FADS2: variants seen among roughly 807,000 people sequenced by gnomAD.
FADS2 encodes fatty acid desaturase 2.
In FADS2, 18 loss-of-function variants were observed where a neutral mutation model predicts 61.2. The observed-to-expected ratio is 0.29, with a 90% CI of 0.20 to 0.44. The LOEUF (loss-of-function observed/expected upper bound fraction) is 0.44. FADS2 is among the 20% of genes least tolerant of loss of function. The pLI, the probability that FADS2 is intolerant of heterozygous loss-of-function variation, is 1.00. For synonymous variants in FADS2, 203 were observed against 223.9 expected (o/e 0.91, Z 0.83); for missense variants, 322 against 572.7 (o/e 0.56, Z 4.47).
At chr11:61,824,394 AAGAGAGAGAGAGAGAGAGAG>A (rs1193068439), upstream of FADS2, among the ~76,000 whole-genome samples, 1 of 17,386 alleles carries the variant, frequency 5.8e-5, no homozygotes, top group Non-Finnish European at 1.3e-4. Context: ...GGGAAAAAAA[AAGAGAGAGAGAGAGAGAGAG>A]AGAGAGAGAG....
Position 61,863,018 on chromosome 11 carries a change from A to G in FADS2, c.929A>G (p.Tyr310Cys). ...VSYYIRFFIT[Y>C]IPFYGILGAL... ...TACTACATCCGGTTCTTCATCACCT[A>G]CATCCCTTTCTACGGCATCCTGGGA... Residue 310 changes from tyrosine (Y) to cysteine (C), a missense_variant, in exon 8 of 12, where the codon TAC (tyrosine) becomes TGC (cysteine). Around this residue, in one of 3 missense-constraint regions of FADS2, gnomAD observed 221 missense variants for 427.9 expected, o/e 0.52. Coordinates refer to ENST00000278840, the MANE Select transcript of FADS2 (RefSeq NM_004265.4). The G allele has an allele frequency of 6.2e-7, 1 of 1,614,216 alleles. No homozygotes were observed. Among genetic ancestry groups the G allele is most frequent in the Non-Finnish European group, 8.5e-7 (1 of 1,180,028 alleles).
chr11:61,857,550 G>A lies in FADS2; in HGVS notation c.882+20G>A, dbSNP rs377230170. 1 of 1,604,204 alleles carries A rather than the reference G, an allele frequency of 6.2e-7. No individual in the cohort carries two copies. The highest frequency in any genetic ancestry group is 8.5e-7 in the Non-Finnish European group (1 of 1,171,184). ...TGGGTGGTGAGTTGGGGACACAGCT[G>A]GCTTGGCATGGGGAGGAGGGTGACT... On this transcript the variant is annotated intron_variant, in intron 7 of 11. Transcript: ENST00000278840.
intron 4 of FADS2, among the ~76,000 whole-genome samples, chr11:61,845,665 C>T (rs150336394): frequency 0.064 from 9,756 of 151,684 alleles, 398 homozygotes; most frequent in African/African-American, 0.11. Flanking sequence ...TGGTGGCGGG[C>T]GCCTATAATC....
rs766352094 is a variant in FADS2 at position 61,837,851 on chromosome 11, T to C, written c.281T>C (p.Leu94Pro). 6.2e-7 allele frequency: 1 copy of C among 1,613,876 alleles called. No individual in the cohort carries two copies. The highest frequency in any genetic ancestry group is 8.5e-7 in the Non-Finnish European group (1 of 1,179,904). ...TTGAAACCCCTGCTGATTGGTGAAC[T>C]GGCCCCGGAGGAGCCCAGCCAGGAC... ...KFLKPLLIGE[L>P]APEEPSQDHG... The change falls in exon 2 of 12, where the codon CTG becomes CCG. Residue 94 changes from leucine to proline, a missense_variant. This residue lies in a region of FADS2 where 40 missense variants were observed against 37.3 expected (regional missense o/e 1.07). Coordinates refer to ENST00000278840, the MANE Select transcript of FADS2 (RefSeq NM_004265.4).
chr11:61,840,551 C>T lies in FADS2; in HGVS notation c.516+20C>T. ...TCTCAGGTGAGGCGTGACACCCTCA[C>T]TTCCCCTAGCTGACAGAGGCCTGGT... is the stretch of plus-strand genomic sequence containing the variant. On this transcript the variant is annotated intron_variant, in intron 3 of 11. Coordinates refer to ENST00000278840, the MANE Select transcript of FADS2 (RefSeq NM_004265.4). 1 of 1,614,064 alleles carries T rather than the reference C, an allele frequency of 6.2e-7. No individual in the cohort carries two copies.
At chr11:61,824,993 C>T (rs2067071584), upstream of FADS2, among the ~76,000 whole-genome samples, 1 of 150,980 alleles carries the variant, frequency 6.6e-6, no homozygotes, top group Non-Finnish European at 1.5e-5. Flanking sequence ...AAGATCGAGA[C>T]CATCATGGCC....
chr11:61,847,009 G>A (rs2067265969), intron 4 of FADS2: 1 of 151,424 alleles, frequency 6.6e-6, no homozygotes, highest in Admixed American at 6.6e-5. Flanking sequence ...GAGTGCAGTG[G>A]TGTGATCTCT....
intron 2 of FADS2, 151 bp downstream of exon 2, chr11:61,838,039 C>G: frequency 1.6e-6 from 1 of 634,106 alleles, no homozygotes; most frequent in Non-Finnish European, 2.8e-6. Flanking sequence ...CACCTGTGTT[C>G]AGGGAGGGCC....
intron 2 of FADS2, among the ~76,000 whole-genome samples, chr11:61,840,093 C>T (rs2067205730): frequency 6.6e-6 from 1 of 152,216 alleles, no homozygotes; most frequent in African/African-American, 2.4e-5. Flanking sequence ...GCTTTTGAGT[C>T]AAAGCCTTTC....
chr11:61,828,077 T>G, upstream of FADS2: 2 of 1,243,410 alleles, frequency 1.6e-6, no homozygotes, highest in Non-Finnish European at 1.0e-6. The surrounding 1 kb of genome is among the most constrained non-coding windows in gnomAD (Gnocchi z 6.4). Flanking sequence ...AGAGGAGGTG[T>G]CGAGGCCCTG....
intron 7 of FADS2, among the ~76,000 whole-genome samples, chr11:61,859,349 G>C (rs762327427): frequency 6.6e-6 from 1 of 152,148 alleles, no homozygotes; most frequent in Non-Finnish European, 1.5e-5. Flanking sequence ...GAGCCACCGC[G>C]CCCGGCCTGT....
chr11:61,857,643 G>T (rs2277284), intron 7 of FADS2, 113 bp downstream of exon 7: 28,777 of 840,382 alleles, frequency 0.034, 2,866 homozygotes, highest in African/African-American at 0.29. Context: ...TGGGGCCCCA[G>T]GCATCTCCTC....
Position 61,863,684 on chromosome 11 carries a change from ACACT to A in FADS2, c.1078-20_1078-17del, listed in dbSNP as rs2067436649. 6.2e-7 allele frequency: 1 copy of A among 1,607,782 alleles called. No individual in the cohort carries two copies. Among genetic ancestry groups the A allele is most frequent in the Non-Finnish European group, 8.5e-7 (1 of 1,174,304 alleles). On this transcript the variant is annotated intron_variant, in intron 9 of 11. Coordinates refer to ENST00000278840, the MANE Select transcript of FADS2 (RefSeq NM_004265.4). ...CCCTTGGGCCTTCCTTTGTTCCCTG[ACACT>A]CATCCCCTCCACTGACAGCTGACAG...
intron 5 of FADS2, among the ~76,000 whole-genome samples, chr11:61,850,512 G>A (rs2067297117): frequency 6.6e-6 from 1 of 152,076 alleles, no homozygotes; most frequent in Admixed American, 6.5e-5. Flanking sequence ...CCCTCCCAAA[G>A]TGCTGGGATT....
intron 5 of FADS2, among the ~76,000 whole-genome samples, chr11:61,849,468 C>T (rs2067287990): frequency 6.6e-6 from 1 of 152,030 alleles, no homozygotes. Context: ...TGCCTAGTCT[C>T]AGTTATTGGG....
In FADS2 at chr11:61,865,072, T is replaced by C. The variant is rs1403263930; in HGVS notation, c.1158-80T>C. On this transcript the variant is annotated intron_variant, in intron 10 of 11. Coordinates refer to ENST00000278840, the MANE Select transcript of FADS2 (RefSeq NM_004265.4). The surrounding 1 kb of genome is among the most constrained non-coding windows in gnomAD (Gnocchi z 4.1). The stretch of plus-strand genomic sequence containing the variant: ...GGGTCTCTGAGGGCCCCAGCCAGCC[T>C]CTGCCCAGGTGGTGGGAGGAAGCGG... 3.9e-6 allele frequency: 6 copies of C among 1,531,346 alleles called. No homozygotes were observed. In the East Asian group the frequency reaches 1.4e-4, roughly 35 times the overall value. The allele number at this position is 1,531,346 out of a possible 1,614,324, so 94.9% of individuals were successfully genotyped here. A position where few individuals can be genotyped will look rare whatever the true frequency, so the allele number is the denominator to read the frequency against.
intron 1 of FADS2, among the ~76,000 whole-genome samples, chr11:61,834,071 G>A (rs1343768626): frequency 6.6e-6 from 1 of 152,240 alleles, no homozygotes; most frequent in Non-Finnish European, 1.5e-5. Context: ...CAATGACCCA[G>A]GGAAGGCCCA....
intron 7 of FADS2, among the ~76,000 whole-genome samples, chr11:61,859,445 C>T (rs972191494): frequency 1.3e-5 from 2 of 152,222 alleles, no homozygotes; most frequent in South Asian, 4.1e-4. Flanking sequence ...AATTTTATCT[C>T]CAAGTCTTGG....
At chr11:61,852,956 C>T (rs2067320263) in intron 5 of FADS2, among the ~76,000 whole-genome samples, 1 of 152,118 alleles carries the variant, frequency 6.6e-6, no homozygotes, top group Admixed American at 6.5e-5. Flanking sequence ...AGATCGAGAC[C>T]ATCTTGGCTA....
Sources: gnomAD v4.1 joint callset for allele counts (sites outside exome capture counted in the v4.1 genomes callset) on GRCh38, gnomAD v4.1.1 for gene constraint, gnomAD v4.1.1 regional missense constraint, Gnocchi (gnomAD v3.1) non-coding constraint, MANE v1.5 for transcripts, NCBI Gene and HGNC (gene_info 2026-07-23, HGNC 2026-07-21) for gene names.